The following ALDOA variants were observed in gnomAD, a reference collection of about 807,000 sequenced individuals.
ALDOA encodes aldolase, fructose-bisphosphate A, also known as fructose-bisphosphate aldolase A.
A neutral mutation model predicts 43.9 loss-of-function variants in ALDOA; 26 were observed. The ratio of observed to expected loss-of-function variants is 0.59; its 90% CI spans 0.43 to 0.82. The LOEUF (loss-of-function observed/expected upper bound fraction) is 0.82, where lower values mean the gene tolerates loss of function less well. Ranked by LOEUF, ALDOA falls within the 40% of genes least tolerant of loss-of-function variation. ALDOA has a pLI of 0.00. For missense variants in ALDOA, 498 were observed against 549.5 expected (o/e 0.91, Z 0.94); for synonymous variants, 258 against 222.6 (o/e 1.16, Z -1.42).
intron 2 of ALDOA, 61 bp from the exon 3 acceptor site, chr16:30,067,173 C>T: frequency 1.2e-6 from 2 of 1,608,218 alleles, no homozygotes; most frequent in Non-Finnish European, 1.7e-6. Flanking sequence ...GGGCCCTGGT[C>T]ATCGGGAGAT....
chr16:30,067,868 A>G, intron 4 of ALDOA: 1 of 645,832 alleles, frequency 1.5e-6, no homozygotes, highest in Non-Finnish European at 2.7e-6. Context: ...AAATCTCAGA[A>G]GCTCAGGGAA....
At chr16:30,068,592 A>G in intron 4 of ALDOA, 54 bp from the exon 5 acceptor site, 1 of 1,592,690 alleles carries the variant, frequency 6.3e-7, no homozygotes, top group Non-Finnish European at 8.6e-7. Flanking sequence ...GACAGTGGAA[A>G]GGGTGCTAGA....
upstream of ALDOA, chr16:30,064,546 C>A: frequency 2.5e-6 from 1 of 398,734 alleles, no homozygotes; most frequent in Non-Finnish European, 4.4e-6. Flanking sequence ...TAGGGCCGAC[C>A]CAAGTCTTCC....
Position 30,069,596 on chromosome 16 carries a change from C to T in ALDOA, c.884C>T (p.Thr295Ile), listed in dbSNP as rs944420954. 6.2e-7 allele frequency: 1 copy of T among 1,614,006 alleles called. No homozygotes were observed. Among genetic ancestry groups the T allele is most frequent in the Non-Finnish European group, 8.5e-7 (1 of 1,180,040 alleles). The change falls in exon 8 of 10, where the codon ACT becomes ATT. Residue 295 changes from threonine to isoleucine, a missense_variant. By Grantham distance (89) the Thr-to-Ile change is moderately conservative (BLOSUM62 -1). Coordinates refer to ENST00000642816, the MANE Select transcript of ALDOA (RefSeq NM_001243177.4). Reference protein sequence around the residue: ...PNMVTPGHACTQKFSHEEIAM... With the variant: ...PNMVTPGHACIQKFSHEEIAM... The stretch of plus-strand genomic sequence containing the variant: ...ATGGTCACCCCAGGCCATGCTTGCA[C>T]TCAGAAGTTTTCTCATGAGGAGATT...
chr16:30,067,893 T>G (rs2072177377), intron 4 of ALDOA: 1 of 590,564 alleles, frequency 1.7e-6, no homozygotes, highest in South Asian at 1.9e-5. Flanking sequence ...AGTGTTTTGC[T>G]CAGAGTAAGT....
At chr16:30,069,119 G>A in intron 6 of ALDOA, 141 bp downstream of exon 6, 1 of 1,425,516 alleles carries the variant, frequency 7.0e-7, no homozygotes, top group Non-Finnish European at 9.7e-7. Flanking sequence ...AAGGGCTGTT[G>A]AAGGCAGAGG....
intron 8 of ALDOA, 42 bp from the exon 9 acceptor site, chr16:30,069,788 G>T: frequency 6.2e-7 from 1 of 1,613,460 alleles, no homozygotes; most frequent in South Asian, 1.1e-5. Context: ...AGCTTCCTGG[G>T]TCTCTGACCA....
intron 4 of ALDOA, chr16:30,068,430 G>A: frequency 3.1e-6 from 2 of 638,244 alleles, no homozygotes; most frequent in South Asian, 3.3e-5. Flanking sequence ...GCAGTTTAAG[G>A]GATTAAGTAA....
upstream of ALDOA, among the ~76,000 whole-genome samples, chr16:30,065,350 A>G (rs555768701): frequency 2.6e-5 from 4 of 152,262 alleles, no homozygotes; most frequent in Admixed American, 2.6e-4. Flanking sequence ...GAAGACCGGA[A>G]GCTGGGGCGG....
At chr16:30,068,601 G>A in intron 4 of ALDOA, 45 bp from the exon 5 acceptor site, 1 of 1,604,658 alleles carries the variant, frequency 6.2e-7, no homozygotes, top group Non-Finnish European at 8.5e-7. Context: ...AAGGGTGCTA[G>A]AGGTCATTTC....
At chr16:30,070,058 G>C (rs371956038) in intron 9 of ALDOA, 29 bp downstream of exon 9, 1 of 1,613,650 alleles carries the variant, frequency 6.2e-7, no homozygotes, top group Non-Finnish European at 8.5e-7. Context: ...TGGGCAGGGT[G>C]CCTGGGTGGA....
chr16:30,068,229 A>AT (rs1370385117), intron 4 of ALDOA: 19 of 316,550 alleles, frequency 6.0e-5, no homozygotes, highest in Admixed American at 1.3e-4. Context: ...CACCCGGCTA[A>AT]TTTTTTTTGT....
intron 4 of ALDOA, 85 bp from the exon 5 acceptor site, chr16:30,068,561 C>G (rs931940024): frequency 1.4e-5 from 20 of 1,471,070 alleles, no homozygotes; most frequent in Non-Finnish European, 1.7e-5. Context: ...TGAGATTCCA[C>G]CACTGTACTC....
intron 5 of ALDOA, 31 bp from the exon 6 acceptor site, chr16:30,068,787 A>G (rs761469180): frequency 1.2e-6 from 2 of 1,614,174 alleles, no homozygotes; most frequent in East Asian, 2.2e-5. Context: ...GCCCCTCCCC[A>G]CCGTGCTCTG....
upstream of ALDOA, chr16:30,064,799 G>C (rs375333652): frequency 2.6e-5 from 7 of 270,634 alleles, 1 homozygote; most frequent in African/African-American, 4.4e-5. Flanking sequence ...GCCCCTTGCA[G>C]GACCGGGCCG....
chr16:30,069,057 G>A (rs755864701), intron 6 of ALDOA, 79 bp downstream of exon 6: 9 of 1,594,298 alleles, frequency 5.6e-6, no homozygotes, highest in Non-Finnish European at 7.7e-6. Context: ...TACCTGCCAT[G>A]ATGCCTACCT....
intron 1 of ALDOA, 42 bp from the exon 2 acceptor site, chr16:30,066,843 A>G (rs902682641): frequency 1.3e-6 from 2 of 1,530,514 alleles, no homozygotes; most frequent in Non-Finnish European, 1.8e-6. Context: ...TTGATTCACG[A>G]TCTTTACATT....
upstream of ALDOA, chr16:30,064,772 G>A (rs148504799): frequency 2.7e-3 from 817 of 307,076 alleles, 4 homozygotes; most frequent in African/African-American, 0.017. Context: ...CGGCTCCTTC[G>A]GCCTCGCCGC....
Position 30,066,939 on chromosome 16 carries a change from C to T in ALDOA, c.42C>T (p.Thr14=), listed in dbSNP as rs971402340. The change falls in exon 2 of 10, where the codon ACC becomes ACT. Residue 14 remains threonine (T), a synonymous_variant. Transcript: ENST00000642816. The part of the protein sequence containing the change: ...RKPEGSSFNM[T]HLSMAMAFSF... ...CAGAAGGGTCCAGCTTCAACATGAC[C>T]CACCTGTCCATGGCTATGGCCTTTT... 6.4e-7 allele frequency: 1 copy of T among 1,550,972 alleles called. No homozygotes were observed. Among genetic ancestry groups the T allele is most frequent in the South Asian group, 1.2e-5 (1 of 84,082 alleles).
Sources: gnomAD v4.1 joint callset for allele counts (sites outside exome capture counted in the v4.1 genomes callset) on GRCh38, gnomAD v4.1.1 for gene constraint, MANE v1.5 for transcripts, NCBI Gene and HGNC (gene_info 2026-07-23, HGNC 2026-07-21) for gene names.